The following RSRC1 variants were observed in gnomAD, a reference collection of about 807,000 sequenced individuals.
RSRC1 encodes the protein arginine and serine rich coiled-coil 1.
Under a neutral mutation model 49.1 loss-of-function variants are expected in RSRC1, and 39 were observed. The observed-to-expected ratio is 0.79, with a 90% confidence interval of 0.61 to 1.04. The LOEUF is 1.04. Ranked by LOEUF, RSRC1 falls within the 50% of genes least tolerant of loss-of-function variation. RSRC1 has a pLI of 0.00. For missense variants in RSRC1, 388 were observed against 402.4 expected, an observed-to-expected ratio of 0.96 and a Z score of 0.31; for synonymous variants, 143 against 130.8, an observed-to-expected ratio of 1.09 and a Z score of -0.63.
At chr3:158,528,578 G>A (rs1371090993) in intron 7 of RSRC1, among the ~76,000 whole-genome samples, 1 of 151,902 alleles carries the variant, frequency 6.6e-6, no homozygotes, top group East Asian at 1.9e-4. Flanking sequence ...ATGGCTGGCA[G>A]ACAGCATTCA....
intron 4 of RSRC1, among the ~76,000 whole-genome samples, chr3:158,264,496 A>T (rs991234686): frequency 6.6e-6 from 1 of 152,082 alleles, no homozygotes; most frequent in Non-Finnish European, 1.5e-5. Flanking sequence ...TCTTATGTGG[A>T]CTGTTCTCTA....
chr3:158,301,665 TAA>T (rs1727556877), intron 5 of RSRC1, among the ~76,000 whole-genome samples: 2 of 152,294 alleles, frequency 1.3e-5, no homozygotes, highest in Admixed American at 1.3e-4. Flanking sequence ...ACAACCCTAT[TAA>T]AAAGAGTTCA....
intron 7 of RSRC1, among the ~76,000 whole-genome samples, chr3:158,518,558 A>G (rs893847496): frequency 3.3e-5 from 5 of 152,106 alleles, no homozygotes; most frequent in African/African-American, 1.2e-4. Flanking sequence ...TAGAAGTATC[A>G]TTTAATTTAT....
intron 5 of RSRC1, among the ~76,000 whole-genome samples, chr3:158,310,131 T>C (rs1221856878): frequency 6.6e-6 from 1 of 151,626 alleles, no homozygotes; most frequent in East Asian, 1.9e-4. Context: ...ATACCTTACT[T>C]CACTTAAAAA....
At chr3:158,255,971 T>G (rs899572491) in intron 4 of RSRC1, among the ~76,000 whole-genome samples, 2 of 152,166 alleles carry the variant, frequency 1.3e-5, no homozygotes, top group African/African-American at 2.4e-5. Context: ...GCTGAGACAA[T>G]GGGGATTTCT....
At chr3:158,511,784 G>C (rs1452263473) in intron 7 of RSRC1, among the ~76,000 whole-genome samples, 2 of 151,906 alleles carry the variant, frequency 1.3e-5, no homozygotes, top group South Asian at 4.2e-4. Context: ...TCCAGCACCT[G>C]TTGTTTCCTA....
chr3:158,176,606 A>G (rs964360504), intron 3 of RSRC1, among the ~76,000 whole-genome samples: 5 of 152,206 alleles, frequency 3.3e-5, no homozygotes, highest in African/African-American at 1.2e-4. Context: ...TAGAAAGCTG[A>G]AACTGGATCC....
chr3:158,353,055 T>C (rs937900841), intron 5 of RSRC1, among the ~76,000 whole-genome samples: 12 of 152,232 alleles, frequency 7.9e-5, no homozygotes, highest in Admixed American at 6.5e-5. Flanking sequence ...GTAGTCTTTA[T>C]TGGTTGTCAT....
chr3:158,192,828 C>T (rs1282875582), intron 3 of RSRC1, among the ~76,000 whole-genome samples: 1 of 152,024 alleles, frequency 6.6e-6, no homozygotes, highest in Non-Finnish European at 1.5e-5. Flanking sequence ...TCTGTGAAGA[C>T]AAGGATATTA....
intron 4 of RSRC1, among the ~76,000 whole-genome samples, chr3:158,291,914 C>T (rs1726957007): frequency 6.6e-6 from 1 of 152,068 alleles, no homozygotes; most frequent in Non-Finnish European, 1.5e-5. Context: ...TTTATTATAG[C>T]AATAGTTTTT....
intron 6 of RSRC1, among the ~76,000 whole-genome samples, chr3:158,391,807 A>C (rs1484094576): frequency 6.6e-6 from 1 of 152,104 alleles, no homozygotes; most frequent in Non-Finnish European, 1.5e-5. Flanking sequence ...TTGGGGTCAA[A>C]TGAAGCTTCG....
At chr3:158,538,979 T>C (rs1252717338) in intron 8 of RSRC1, among the ~76,000 whole-genome samples, 1 of 151,962 alleles carries the variant, frequency 6.6e-6, no homozygotes, top group Non-Finnish European at 1.5e-5. Context: ...AAGGCAAGGA[T>C]TCAGGATGCC....
At chr3:158,237,587 TTAAA>T (rs932457962) in intron 4 of RSRC1, among the ~76,000 whole-genome samples, 26 of 152,234 alleles carry the variant, frequency 1.7e-4, no homozygotes, top group Non-Finnish European at 2.8e-4. Flanking sequence ...ACTAATGATG[TTAAA>T]TAGTTTTCAA....
chr3:158,481,978 G>C (rs898485090), intron 7 of RSRC1, among the ~76,000 whole-genome samples: 1 of 151,914 alleles, frequency 6.6e-6, no homozygotes, highest in Non-Finnish European at 1.5e-5. Context: ...TTATGATTCC[G>C]TAAGGAATCC....
At chr3:158,238,267 A>G (rs1490036144) in intron 4 of RSRC1, among the ~76,000 whole-genome samples, 3 of 152,220 alleles carry the variant, frequency 2.0e-5, no homozygotes, top group Non-Finnish European at 4.4e-5. Context: ...AGAAGAATCA[A>G]TATCGTGAAA....
intron 7 of RSRC1, among the ~76,000 whole-genome samples, chr3:158,517,248 G>C (rs914777876): frequency 6.6e-6 from 1 of 152,026 alleles, no homozygotes; most frequent in African/African-American, 2.4e-5. Flanking sequence ...TATTGATTTT[G>C]TACCTAACAA....
chr3:158,146,195 C>T (rs1717102652), intron 3 of RSRC1, among the ~76,000 whole-genome samples: 2 of 152,138 alleles, frequency 1.3e-5, no homozygotes, highest in African/African-American at 4.8e-5. Flanking sequence ...GAGGGCCTCC[C>T]TGTCTTGTGC....
intron 3 of RSRC1, among the ~76,000 whole-genome samples, chr3:158,189,272 T>C (rs1720091493): frequency 6.6e-6 from 1 of 151,934 alleles, no homozygotes; most frequent in Admixed American, 6.6e-5. Flanking sequence ...TAGGTACATT[T>C]GATAAGAATG....
intron 4 of RSRC1, among the ~76,000 whole-genome samples, chr3:158,213,623 G>T (rs574834446): frequency 6.6e-6 from 1 of 152,008 alleles, no homozygotes; most frequent in Admixed American, 6.6e-5. Context: ...CCTGCAGGAG[G>T]TTTTGAAATT....
Sources: allele counts gnomAD v4.1 joint callset (sites outside exome capture counted in the v4.1 genomes callset), GRCh38; gene constraint gnomAD v4.1.1; transcripts MANE v1.5; gene names NCBI Gene and HGNC (gene_info 2026-07-23, HGNC 2026-07-21).